CENPL: variants seen among roughly 807,000 people sequenced by gnomAD.
CENPL encodes the protein centromere protein L, also known as interphase centromere complex protein 33.
In CENPL, 20 loss-of-function variants were observed where a neutral mutation model predicts 35.2. The observed-to-expected ratio is 0.57, with a 90% CI of 0.40 to 0.83. The LOEUF is 0.83. Among genes scored for constraint, CENPL ranks in the 40% least tolerant of loss-of-function variants. The pLI, the probability that CENPL is intolerant of heterozygous loss-of-function variation, is 0.00. For missense variants in CENPL, 363 were observed against 395.8 expected, an observed-to-expected ratio of 0.92 and a Z score of 0.70; for synonymous variants, 140 against 140.6, an observed-to-expected ratio of 1.00 and a Z score of 0.03.
At chr1:173,814,258 A>G (rs1042422868) in intron 2 of CENPL, among the ~76,000 whole-genome samples, 4 of 152,136 alleles carry the variant, frequency 2.6e-5, no homozygotes, top group Non-Finnish European at 4.4e-5. Context: ...CCCACTGTCA[A>G]TATTAGACAG....
At chr1:173,816,943 G>A (rs1476573914) in intron 2 of CENPL, among the ~76,000 whole-genome samples, 1 of 152,076 alleles carries the variant, frequency 6.6e-6, no homozygotes, top group East Asian at 1.9e-4. Context: ...TTCGAGCCCA[G>A]CCTGGCCAAT....
chr1:173,800,985 T>A (rs1392132708), intron 5 of CENPL, among the ~76,000 whole-genome samples: 1 of 152,134 alleles, frequency 6.6e-6, no homozygotes, highest in Non-Finnish European at 1.5e-5. Flanking sequence ...TTTTACATTT[T>A]CTATTTCTTT....
intron 4 of CENPL, chr1:173,806,587 A>G: frequency 7.0e-6 from 2 of 285,260 alleles, no homozygotes; most frequent in South Asian, 5.5e-5. Context: ...CTGTCTCAAA[A>G]AAATAAAATA....
At chr1:173,824,078 C>T (rs1280669417) in intron 1 of CENPL, 59 bp from the exon 2 acceptor site, 1 of 152,140 alleles carries the variant, frequency 6.6e-6, no homozygotes, top group Non-Finnish European at 1.5e-5. Flanking sequence ...CAGACTAACC[C>T]CTGGCCCTCC....
At chr1:173,800,586 T>C in intron 5 of CENPL, 67 bp from the exon 6 acceptor site, 1 of 654,528 alleles carries the variant, frequency 1.5e-6, no homozygotes, top group South Asian at 1.9e-5. Flanking sequence ...AGCAGATTGA[T>C]ATTTGAATAA....
chr1:173,804,887 A>AT (rs1428024602), intron 4 of CENPL, among the ~76,000 whole-genome samples: 3 of 152,238 alleles, frequency 2.0e-5, no homozygotes, highest in Non-Finnish European at 4.4e-5. Flanking sequence ...GCTTTGTATC[A>AT]TACCCCTTCA....
intron 2 of CENPL, among the ~76,000 whole-genome samples, chr1:173,816,895 T>G (rs1258009894): frequency 6.6e-6 from 1 of 152,154 alleles, no homozygotes; most frequent in Non-Finnish European, 1.5e-5. Flanking sequence ...ATCTCAGCAC[T>G]TTGGGATGCT....
At position 173,811,881 on chromosome 1, in the gene CENPL, G is replaced by C. The variant is rs368378400; in HGVS notation, c.-7-575C>G. 7.9e-5 allele frequency among the ~76,000 whole-genome samples: 12 copies of C among 152,364 alleles called. No homozygotes were observed. In the South Asian group the frequency reaches 2.5e-3, roughly 32 times the overall value. The stretch of plus-strand genomic sequence containing the variant: ...TGGGGCATTGCCCCACCTGGGAAGC[G>C]CAAGGGGTCCAGGGATTTCCCTTTC... On this transcript the variant is annotated intron_variant, in intron 2 of 5. Transcript: ENST00000682279.
chr1:173,805,230 C>G (rs536618856), intron 4 of CENPL, among the ~76,000 whole-genome samples: 2 of 152,114 alleles, frequency 1.3e-5, no homozygotes, highest in Non-Finnish European at 2.9e-5. Flanking sequence ...TAAAACAGTC[C>G]CTTTATGGCT....
intron 3 of CENPL, among the ~76,000 whole-genome samples, chr1:173,810,748 G>A (rs892097238): frequency 6.6e-5 from 10 of 151,856 alleles, no homozygotes; most frequent in Admixed American, 2.0e-4. Flanking sequence ...GTGAAACCCC[G>A]TCTCTACTAA....
chr1:173,823,649 G>C (rs1652227783), intron 2 of CENPL: 1 of 152,174 alleles, frequency 6.6e-6, no homozygotes, highest in African/African-American at 2.4e-5. Context: ...GGCAGGGCTA[G>C]TTCTCTTGAC....
rs1011042225 is a variant in CENPL at position 173,813,816 on chromosome 1, C to G, written c.-7-2510G>C. ...CATCATAATGTCAGGATCAGAGTCA[C>G]ACCTAACAATATTAACCTTAAATGT... On this transcript the variant is annotated intron_variant, in intron 2 of 5. Transcript: ENST00000682279. Among the ~76,000 whole-genome samples the G allele has an allele frequency of 2.6e-5, 4 of 152,162 alleles. No homozygotes were observed. The East Asian group carries it at 7.7e-4, about 29-fold the overall frequency.
At chr1:173,815,144 C>T (rs1483172780) in intron 2 of CENPL, among the ~76,000 whole-genome samples, 4 of 151,974 alleles carry the variant, frequency 2.6e-5, no homozygotes, top group Admixed American at 6.6e-5. Flanking sequence ...AGGAAGAAGT[C>T]GAATCACTGA....
chr1:173,807,257 T>A lies in CENPL; in HGVS notation c.420+10A>T. 1 of 1,570,894 alleles carries A rather than the reference T, an allele frequency of 6.4e-7. No homozygotes were observed. Among genetic ancestry groups the A allele is most frequent in the Non-Finnish European group, 8.7e-7 (1 of 1,154,460 alleles). ...TCCCCTAGGAAGCAAGAACTGTTTA[T>A]GTATTATACCTGGACAAGAAATGCT... On this transcript the variant is annotated intron_variant, in intron 4 of 5. Coordinates refer to ENST00000682279, the MANE Select transcript of CENPL (RefSeq NM_001387287.1).
Position 173,803,369 on chromosome 1 carries a change from G to C in CENPL, c.557C>G (p.Ala186Gly). 6.2e-7 allele frequency: 1 copy of C among 1,613,988 alleles called. No individual in the cohort carries two copies. Among genetic ancestry groups the C allele is most frequent in the Non-Finnish European group, 8.5e-7 (1 of 1,179,894 alleles). The change falls in exon 5 of 6, where the codon GCA becomes GGA. Residue 186 changes from alanine (A) to glycine (G), a missense_variant. By Grantham distance (60) the Ala-to-Gly change is moderately conservative. Transcript: ENST00000682279. ...EDFTCLPLFLANGAESNTAII... is the reference protein window; with the variant it reads ...EDFTCLPLFLGNGAESNTAII... ...TGCTGTGTTAGACTCTGCTCCATTT[G>C]CAAGGAATAAGGGCAGACAGGTGAA...
intron 2 of CENPL, 39 bp downstream of exon 2, chr1:173,823,887 A>C (rs949177316): frequency 6.6e-6 from 1 of 152,198 alleles, no homozygotes; most frequent in Non-Finnish European, 1.5e-5. Flanking sequence ...GCAAATACAA[A>C]GTTAAAGCAG....
At chr1:173,821,350 T>G (rs1329167361) in intron 2 of CENPL, among the ~76,000 whole-genome samples, 2 of 152,222 alleles carry the variant, frequency 1.3e-5, no homozygotes, top group African/African-American at 4.8e-5. Flanking sequence ...ATGAGTGCAC[T>G]TAGCTACTTC....
chr1:173,810,956 CAAAT>C (rs746068654), intron 3 of CENPL, among the ~76,000 whole-genome samples, 172 bp downstream of exon 3: 5 of 152,030 alleles, frequency 3.3e-5, no homozygotes, highest in Non-Finnish European at 5.9e-5. Flanking sequence ...ATATAAAAAA[CAAAT>C]AAAAGACATA....
At chr1:173,811,100 T>C (rs770020822) in intron 3 of CENPL, 32 bp downstream of exon 3, 6 of 1,586,318 alleles carry the variant, frequency 3.8e-6, no homozygotes, top group South Asian at 1.1e-5. Context: ...TTCTCAATTA[T>C]TGACTAACAC....
Sources: allele counts gnomAD v4.1 joint callset (sites outside exome capture counted in the v4.1 genomes callset), GRCh38; gene constraint gnomAD v4.1.1; transcripts MANE v1.5; gene names NCBI Gene and HGNC (gene_info 2026-07-23, HGNC 2026-07-21).